The following SNX10 variants were observed in gnomAD, a reference collection of about 807,000 sequenced individuals.
SNX10 encodes sorting nexin 10.
Under a neutral mutation model 28.5 loss-of-function variants are expected in SNX10, and 25 were observed. The observed-to-expected ratio is 0.88, with a 90% CI of 0.64 to 1.22. The LOEUF is 1.22. Among genes scored for constraint, SNX10 ranks in the 50% most tolerant of loss-of-function variants. SNX10 has a pLI of 0.00. For missense variants in SNX10, 223 were observed against 242.6 expected, an observed-to-expected ratio of 0.92 and a Z score of 0.54; for synonymous variants, 62 against 81.4, an observed-to-expected ratio of 0.76 and a Z score of 1.28.
intron 1 of SNX10, among the ~76,000 whole-genome samples, chr7:26,311,494 G>A (rs1786851960): frequency 6.6e-6 from 1 of 152,212 alleles, no homozygotes; most frequent in Non-Finnish European, 1.5e-5. Flanking sequence ...CTCTTGTAGT[G>A]TAGGGCTGTT....
intron 1 of SNX10, among the ~76,000 whole-genome samples, chr7:26,334,299 A>G (rs1787844433): frequency 2.0e-5 from 3 of 152,240 alleles, no homozygotes. Context: ...CAAGCATTTA[A>G]GGACAGTTTT....
chr7:26,345,610 A>G (rs137953466), intron 1 of SNX10, among the ~76,000 whole-genome samples: 110 of 151,734 alleles, frequency 7.2e-4, no homozygotes, highest in African/African-American at 2.5e-3. Flanking sequence ...GAGTATAGAG[A>G]CTCTGGGAAT....
intron 1 of SNX10, among the ~76,000 whole-genome samples, chr7:26,346,203 C>T (rs1162727512): frequency 1.4e-4 from 22 of 152,158 alleles, no homozygotes; most frequent in Admixed American, 1.4e-3. Flanking sequence ...CTGCCTTGGA[C>T]TCTTTGGGGT....
At chr7:26,307,484 G>C (rs944334605) in intron 1 of SNX10, among the ~76,000 whole-genome samples, 7 of 152,060 alleles carry the variant, frequency 4.6e-5, no homozygotes, top group African/African-American at 1.7e-4. Flanking sequence ...ATCTCACTCT[G>C]TCACCCAGAC....
At chr7:26,367,521 G>A (rs75879621) in intron 5 of SNX10, among the ~76,000 whole-genome samples, 159 of 152,318 alleles carry the variant, frequency 1.0e-3, no homozygotes, top group African/African-American at 3.7e-3. Flanking sequence ...TGAAGGAAGT[G>A]AGGAGTCAAA....
chr7:26,346,250 C>T (rs1353734157), intron 1 of SNX10, among the ~76,000 whole-genome samples, 170 bp from the exon 2 acceptor site: 2 of 151,938 alleles, frequency 1.3e-5, no homozygotes, highest in Non-Finnish European at 2.9e-5. Flanking sequence ...TGATGTTCAC[C>T]TTGGTCCTGC....
At chr7:26,330,839 G>C (rs548321968) in intron 1 of SNX10, among the ~76,000 whole-genome samples, 17 of 152,188 alleles carry the variant, frequency 1.1e-4, no homozygotes, top group African/African-American at 3.1e-4. Context: ...GGGCAACATA[G>C]CAAGACCTTT....
At chr7:26,371,766 C>T (rs1198387900) in intron 5 of SNX10, 55 bp from the exon 6 acceptor site, 4 of 1,242,344 alleles carry the variant, frequency 3.2e-6, no homozygotes, top group South Asian at 1.3e-5. Flanking sequence ...CTTTCTTCTA[C>T]CCTATCACTG....
At chr7:26,300,249 A>ATTTT (rs74964763) in intron 1 of SNX10, among the ~76,000 whole-genome samples, 2 of 144,868 alleles carry the variant, frequency 1.4e-5, no homozygotes, top group East Asian at 2.0e-4. Context: ...CAAAATAATA[A>ATTTT]TTTTTTTTTT....
chr7:26,322,100 G>T (rs1787333265), intron 1 of SNX10, among the ~76,000 whole-genome samples: 1 of 152,038 alleles, frequency 6.6e-6, no homozygotes, highest in Non-Finnish European at 1.5e-5. Flanking sequence ...CAAGCCCTTG[G>T]GATCTTTCTT....
chr7:26,316,452 A>G (rs184588379), intron 1 of SNX10, among the ~76,000 whole-genome samples: 1 of 151,958 alleles, frequency 6.6e-6, no homozygotes, highest in African/African-American at 2.4e-5. Flanking sequence ...CTGTTCCTTA[A>G]CTCTTGTGGC....
chr7:26,301,018 CCAAAAAAAAAAA>C (rs1786342137), intron 1 of SNX10, among the ~76,000 whole-genome samples: 1 of 63,930 alleles, frequency 1.6e-5, no homozygotes, highest in Non-Finnish European at 2.9e-5. Flanking sequence ...TACTCTGTCT[CCAAAAAAAAAAA>C]AAAAAAAAAA....
intron 1 of SNX10, among the ~76,000 whole-genome samples, chr7:26,342,326 C>G (rs1788216557): frequency 6.6e-6 from 1 of 152,012 alleles, no homozygotes; most frequent in African/African-American, 2.4e-5. Context: ...TGCGCCTGGC[C>G]TCAGGGAGCA....
At chr7:26,308,982 C>T (rs892712406) in intron 1 of SNX10, among the ~76,000 whole-genome samples, 1 of 152,056 alleles carries the variant, frequency 6.6e-6, no homozygotes, top group South Asian at 2.1e-4. Context: ...CTATGTTGAT[C>T]GATTGTCTTT....
intron 1 of SNX10, among the ~76,000 whole-genome samples, chr7:26,318,919 G>T (rs754981260): frequency 1.2e-4 from 18 of 152,146 alleles, no homozygotes; most frequent in South Asian, 2.1e-4. Context: ...GAATATTGAG[G>T]CTTTCTCGGA....
intron 1 of SNX10, among the ~76,000 whole-genome samples, chr7:26,344,175 ATTT>A (rs35200460): frequency 8.8e-6 from 1 of 114,084 alleles, no homozygotes. Flanking sequence ...CTGTCTCTGA[ATTT>A]TTTTTTTTTT....
intron 1 of SNX10, among the ~76,000 whole-genome samples, chr7:26,328,325 T>C (rs191007083): frequency 6.6e-6 from 1 of 152,256 alleles, no homozygotes; most frequent in Admixed American, 6.5e-5. Flanking sequence ...ATGGGCAACA[T>C]AGAAGATAGT....
chr7:26,354,299 C>T (rs1562814451), intron 2 of SNX10: 2 of 152,016 alleles, frequency 1.3e-5, no homozygotes, highest in African/African-American at 4.8e-5. Flanking sequence ...TGAAATGTCT[C>T]TTCATATCTT....
chr7:26,353,883 T>C (rs200441066), intron 2 of SNX10, among the ~76,000 whole-genome samples: 1 of 152,072 alleles, frequency 6.6e-6, no homozygotes, highest in East Asian at 1.9e-4. Flanking sequence ...TACTTTGAAA[T>C]AGGAAAAAAA....
Sources: gnomAD v4.1 joint callset for allele counts (sites outside exome capture counted in the v4.1 genomes callset) on GRCh38, gnomAD v4.1.1 for gene constraint, MANE v1.5 for transcripts, NCBI Gene and HGNC (gene_info 2026-07-23, HGNC 2026-07-21) for gene names.